The following C8orf34 variants were observed in gnomAD, a reference collection of about 807,000 sequenced individuals.
C8orf34 encodes uncharacterized protein C8orf34.
Under a neutral mutation model 68.3 loss-of-function variants are expected in C8orf34, and 65 were observed. The ratio of observed to expected loss-of-function variants is 0.95; its 90% CI spans 0.78 to 1.17. The LOEUF is 1.17. Among genes scored for constraint, C8orf34 ranks in the 50% most tolerant of loss-of-function variants. The probability of loss-of-function intolerance (pLI) is 0.00; values close to 1 mark genes in which losing one functional copy is unlikely to be tolerated. For missense variants in C8orf34, 664 were observed against 655.4 expected, an observed-to-expected ratio of 1.01 and a Z score of -0.14; for synonymous variants, 244 against 241.2, an observed-to-expected ratio of 1.01 and a Z score of -0.11.
At chr8:68,597,607 G>A (rs867896679) in intron 7 of C8orf34, among the ~76,000 whole-genome samples, 1 of 148,788 alleles carries the variant, frequency 6.7e-6, no homozygotes, top group South Asian at 2.2e-4. Flanking sequence ...TGTGTGCACG[G>A]ACGAAGGAAA....
chr8:68,526,935 T>TCCACCTGCTCAGGCAGGCC (rs1157068470), intron 6 of C8orf34, among the ~76,000 whole-genome samples: 1 of 152,152 alleles, frequency 6.6e-6, no homozygotes, highest in Non-Finnish European at 1.5e-5. Context: ...CTCAGGAGGC[T>TCCACCTGCTCAGGCAGGCC]CCACCTGCTC....
chr8:68,552,433 G>GT (rs1416080087), intron 7 of C8orf34, among the ~76,000 whole-genome samples: 3 of 152,008 alleles, frequency 2.0e-5, no homozygotes, highest in Non-Finnish European at 2.9e-5. Context: ...AGTCCTAAGT[G>GT]TTTTTTCCAT....
chr8:68,667,578 A>G (rs902871204), intron 8 of C8orf34, among the ~76,000 whole-genome samples: 20 of 152,210 alleles, frequency 1.3e-4, no homozygotes, highest in African/African-American at 4.3e-4. Flanking sequence ...AACAAAAGAA[A>G]TAAGACTTCA....
chr8:68,528,457 G>T (rs1815106960), intron 6 of C8orf34, among the ~76,000 whole-genome samples: 1 of 152,130 alleles, frequency 6.6e-6, no homozygotes, highest in South Asian at 2.1e-4. Flanking sequence ...CCTTAGTCAG[G>T]TTTATCTCTG....
intron 12 of C8orf34, among the ~76,000 whole-genome samples, chr8:68,794,505 A>ATATATATATATTTTTTTTT (rs1313909362): frequency 1.6e-5 from 1 of 62,252 alleles, no homozygotes; most frequent in African/African-American, 1.2e-4. Context: ...ATATATATAT[A>ATATATATATATTTTTTTTT]TTTTTTTTTT....
intron 10 of C8orf34, among the ~76,000 whole-genome samples, chr8:68,759,714 A>G (rs1036534618): frequency 6.6e-6 from 1 of 152,252 alleles, no homozygotes; most frequent in East Asian, 1.9e-4. Context: ...TGCAGGATGC[A>G]TGTTTGTTTA....
chr8:68,375,874 A>C (rs1807770828), intron 1 of C8orf34, among the ~76,000 whole-genome samples: 1 of 152,218 alleles, frequency 6.6e-6, no homozygotes, highest in Admixed American at 6.5e-5. Context: ...CAAAATCATT[A>C]AAATATAGGC....
chr8:68,479,515 A>G (rs1182514808), intron 4 of C8orf34, among the ~76,000 whole-genome samples: 1 of 152,074 alleles, frequency 6.6e-6, no homozygotes, highest in African/African-American at 2.4e-5. Context: ...AAGATAAAGA[A>G]CTTGCAGATT....
chr8:68,373,270 C>T (rs1179827870), intron 1 of C8orf34, among the ~76,000 whole-genome samples: 2 of 152,214 alleles, frequency 1.3e-5, no homozygotes, highest in Non-Finnish European at 2.9e-5. Flanking sequence ...GCTGGAATTA[C>T]AGGCATGAGC....
At chr8:68,450,966 A>G (rs1237155393) in intron 3 of C8orf34, among the ~76,000 whole-genome samples, 1 of 152,128 alleles carries the variant, frequency 6.6e-6, no homozygotes, top group Non-Finnish European at 1.5e-5. Flanking sequence ...TTCCAACATG[A>G]GACTGTTTTG....
At chr8:68,683,145 C>T (rs1326214279) in intron 8 of C8orf34, among the ~76,000 whole-genome samples, 2 of 151,616 alleles carry the variant, frequency 1.3e-5, no homozygotes, top group African/African-American at 2.4e-5. Flanking sequence ...AAATCTGGAC[C>T]CCCCAGACTC....
chr8:68,617,652 C>A (rs1411122852), intron 7 of C8orf34, among the ~76,000 whole-genome samples: 1 of 152,198 alleles, frequency 6.6e-6, no homozygotes. Flanking sequence ...GCTGAGAGAT[C>A]CGCTGTTAGT....
At chr8:68,733,357 C>A (rs1025652683) in intron 10 of C8orf34, among the ~76,000 whole-genome samples, 1 of 152,194 alleles carries the variant, frequency 6.6e-6, no homozygotes, top group Non-Finnish European at 1.5e-5. Context: ...GTACCTACTC[C>A]ACGTTCGCCA....
intron 7 of C8orf34, among the ~76,000 whole-genome samples, chr8:68,575,242 T>A (rs1816867870): frequency 6.6e-6 from 1 of 152,050 alleles, no homozygotes; most frequent in Admixed American, 6.6e-5. Context: ...TCTGGGTGAA[T>A]TATATTAAAA....
At chr8:68,575,770 G>T (rs1374327000) in intron 7 of C8orf34, among the ~76,000 whole-genome samples, 1 of 151,704 alleles carries the variant, frequency 6.6e-6, no homozygotes, top group Admixed American at 6.6e-5. Flanking sequence ...GAAGAGCTGT[G>T]GTTCCTGGTT....
chr8:68,762,480 T>G (rs67673719), intron 10 of C8orf34, among the ~76,000 whole-genome samples: 2 of 152,050 alleles, frequency 1.3e-5, no homozygotes, highest in Non-Finnish European at 2.9e-5. Flanking sequence ...AATTACACTA[T>G]ACATGTTACA....
At chr8:68,489,178 T>C (rs1813204672) in intron 5 of C8orf34, among the ~76,000 whole-genome samples, 1 of 152,198 alleles carries the variant, frequency 6.6e-6, no homozygotes, top group Non-Finnish European at 1.5e-5. Flanking sequence ...TTCAATCTGT[T>C]GTGATATGTT....
At chr8:68,677,171 A>G (rs1820218085) in intron 8 of C8orf34, among the ~76,000 whole-genome samples, 1 of 152,212 alleles carries the variant, frequency 6.6e-6, no homozygotes, top group African/African-American at 2.4e-5. Flanking sequence ...TATGCTCCTG[A>G]CTGACCAGTG....
intron 7 of C8orf34, among the ~76,000 whole-genome samples, chr8:68,585,663 G>T (rs922653603): frequency 3.3e-5 from 5 of 152,084 alleles, no homozygotes; most frequent in African/African-American, 1.2e-4. Context: ...CAGTGGGTCA[G>T]CCAGGCGTGG....
Sources: gnomAD v4.1 joint callset for allele counts (sites outside exome capture counted in the v4.1 genomes callset) on GRCh38, gnomAD v4.1.1 for gene constraint, MANE v1.5 for transcripts, NCBI Gene and HGNC (gene_info 2026-07-23, HGNC 2026-07-21) for gene names.